The following CD101 variants were observed in gnomAD, a reference collection of about 807,000 sequenced individuals.
CD101 encodes the protein immunoglobulin superfamily member 2.
Under a neutral mutation model 98.2 loss-of-function variants are expected in CD101, and 76 were observed. That is an observed-to-expected ratio of 0.77 (90% CI 0.64 to 0.94). The LOEUF (loss-of-function observed/expected upper bound fraction) is 0.94, where lower values mean the gene tolerates loss of function less well. CD101 is among the 40% of genes least tolerant of loss of function. CD101 has a pLI of 0.00. For synonymous variants in CD101, 471 were observed against 472.7 expected, an observed-to-expected ratio of 1.00 and a Z score of 0.05; for missense variants, 1,145 against 1,218.8, an observed-to-expected ratio of 0.94 and a Z score of 0.90.
intron 8 of CD101, among the ~76,000 whole-genome samples, chr1:117,030,468 AAGAGAG>A (rs201470589): frequency 6.6e-6 from 1 of 151,990 alleles, no homozygotes; most frequent in African/African-American, 2.4e-5. Context: ...GAAAGAAAAA[AAGAGAG>A]AGAGAAAGAG....
At chr1:117,009,336 T>TG (rs1270339381) in intron 1 of CD101, among the ~76,000 whole-genome samples, 9 of 152,314 alleles carry the variant, frequency 5.9e-5, no homozygotes, top group Non-Finnish European at 1.3e-4. Flanking sequence ...TGGCTAGTCT[T>TG]GCAACAGACC....
chr1:117,018,394 G>A lies in CD101; in HGVS notation c.1851G>A (p.Ser617=), dbSNP rs973443482. 8 of 1,614,128 alleles carry A rather than the reference G, an allele frequency of 5.0e-6. No individual in the cohort carries two copies. Among genetic ancestry groups the A allele is most frequent in the East Asian group, 2.2e-5 (1 of 44,874 alleles). Residue 617 remains serine (S), a synonymous_variant, in exon 6 of 10, where the codon TCG becomes TCA. Transcript: ENST00000682167. This position sits in a 1 kb window ranked among gnomAD's most constrained non-coding sequence, Gnocchi z 4.3. ...LSRFQKKTKV[S]QSLFRSQLLV... ...GGTTCCAAAAGAAGACGAAAGTGTCGCAGTCTTTATTTCGTTCACAACTCC... is the reference window on the plus strand; with the variant it reads ...GGTTCCAAAAGAAGACGAAAGTGTCACAGTCTTTATTTCGTTCACAACTCC...
rs545955651 is a variant in CD101 at position 117,005,195 on chromosome 1, C to A, written c.43+3335C>A. On this transcript the variant is annotated intron_variant, in intron 1 of 9. Transcript: ENST00000682167. This position sits in a 1 kb window ranked among gnomAD's most constrained non-coding sequence, Gnocchi z 4.4. ...GACTATAACACAGCACCCTCCCTGTCATCCCTCTACTAGGACATTACTTCA... is the reference window on the plus strand; with the variant it reads ...GACTATAACACAGCACCCTCCCTGTAATCCCTCTACTAGGACATTACTTCA... Among the ~76,000 whole-genome samples, 72 of 152,252 alleles carry A rather than the reference C, an allele frequency of 4.7e-4. No individual in the cohort carries two copies. Among genetic ancestry groups the A allele is most frequent in the African/African-American group, 1.7e-3 (70 of 41,544 alleles).
At position 117,009,917 on chromosome 1, in the gene CD101, C is replaced by A; in HGVS notation, c.111C>A (p.Tyr37Ter). ...QKGPLFRAEG[Y>*]PVSIGCNVTG... ...GACCACTGTTTAGAGCTGAAGGTTACCCAGTCAGCATTGGCTGCAATGTAA... is the reference window on the plus strand; with the variant it reads ...GACCACTGTTTAGAGCTGAAGGTTAACCAGTCAGCATTGGCTGCAATGTAA... Residue 37 changes from tyrosine (Y) to a stop codon, truncating the protein, a stop_gained, in exon 2 of 10, where the codon TAC (tyrosine) becomes TAA (stop). Transcript: ENST00000682167. LOFTEE classifies it high-confidence loss of function. The A allele has an allele frequency of 6.2e-7, 1 of 1,613,950 alleles. No homozygotes were observed. The highest frequency in any genetic ancestry group is 8.5e-7 in the Non-Finnish European group (1 of 1,179,960).
intron 7 of CD101, among the ~76,000 whole-genome samples, chr1:117,024,305 T>A (rs1207105679): frequency 6.6e-6 from 1 of 151,896 alleles, no homozygotes; most frequent in Non-Finnish European, 1.5e-5. Flanking sequence ...GGTGAAACCC[T>A]GTCTCTACTA....
intron 7 of CD101, among the ~76,000 whole-genome samples, chr1:117,024,992 G>C (rs1456663463): frequency 2.0e-5 from 3 of 152,206 alleles, no homozygotes; most frequent in African/African-American, 7.2e-5. Flanking sequence ...GGCTAAAGAA[G>C]GAAAGAGGCT....
In CD101 at chr1:117,018,490, C is replaced by T. The variant is rs749001312; in HGVS notation, c.1947C>T (p.Ser649=). The change falls in exon 6 of 10, where the codon TCC becomes TCT. Residue 649 remains serine (S), a synonymous_variant. Coordinates refer to ENST00000682167, the MANE Select transcript of CD101 (RefSeq NM_001256106.3). This position sits in a 1 kb window ranked among gnomAD's most constrained non-coding sequence, Gnocchi z 4.3. ...QCEVEVYDRN[S]LYNNRPPRAS... ...AAGTAGAAGTTTATGACAGAAATTC[C>T]CTATACAACAACCGCCCCCCGAGGG... 5.5e-5 allele frequency: 88 copies of T among 1,613,804 alleles called. No homozygotes were observed. The highest frequency in any genetic ancestry group is 6.8e-5 in the Non-Finnish European group (80 of 1,179,826).
Position 117,025,624 on chromosome 1 carries a change from G to T in CD101, c.2544G>T (p.Val848=). Residue 848 remains valine (V), a synonymous_variant, in exon 8 of 10, where the codon GTG becomes GTT. Coordinates refer to ENST00000682167, the MANE Select transcript of CD101 (RefSeq NM_001256106.3). ...GCAGCTCAGCCACTCTGTACTCTGT[G>T]ATGTGGTACTGGAACAGAGAAAACT... The part of the protein sequence containing the change: ...SVGSSATLYS[V]MWYWNRENSG... 5.6e-6 allele frequency: 9 copies of T among 1,614,126 alleles called. No homozygotes were observed. The highest frequency in any genetic ancestry group is 7.6e-6 in the Non-Finnish European group (9 of 1,180,026).
Position 117,036,509 on chromosome 1 carries a change from G to C in CD101, c.*375G>C, listed in dbSNP as rs1654844015. 1 of 146,794 alleles carries C rather than the reference G, an allele frequency of 6.8e-6. No homozygotes were observed. The highest frequency in any genetic ancestry group is 2.7e-5 in the African/African-American group (1 of 37,294). 9.1% of individuals were successfully genotyped at this position (146,794 alleles called of 1,614,324 possible). A position where few individuals can be genotyped will look rare whatever the true frequency, so the allele number is the denominator to read the frequency against. On this transcript the variant is annotated 3_prime_UTR_variant, in exon 10 of 10. Coordinates refer to ENST00000682167, the MANE Select transcript of CD101 (RefSeq NM_001256106.3). This position sits in a 1 kb window ranked among gnomAD's most constrained non-coding sequence, Gnocchi z 5.0. Reference sequence around the variant, plus strand: ...AGTATTCCCAGCGCTCTCCTTGCTTGTGACAAGTAAAAAAAAAAAAAAACT... The same window carrying C: ...AGTATTCCCAGCGCTCTCCTTGCTTCTGACAAGTAAAAAAAAAAAAAAACT...
In CD101 at chr1:117,018,394, G is replaced by T; in HGVS notation, c.1851G>T (p.Ser617=). The T allele has an allele frequency of 6.2e-7, 1 of 1,614,128 alleles. No homozygotes were observed. The highest frequency in any genetic ancestry group is 1.1e-5 in the South Asian group (1 of 91,074). ...LSRFQKKTKV[S]QSLFRSQLLV... is the part of the protein sequence containing the mutation. ...GGTTCCAAAAGAAGACGAAAGTGTC[G>T]CAGTCTTTATTTCGTTCACAACTCC... is the stretch of plus-strand genomic sequence containing the variant. Residue 617 remains serine (S), a synonymous_variant, in exon 6 of 10, where the codon TCG becomes TCT. Transcript: ENST00000682167. The surrounding 1 kb of genome is among the most constrained non-coding windows in gnomAD (Gnocchi z 4.3).
intron 1 of CD101, among the ~76,000 whole-genome samples, chr1:117,007,181 A>C (rs1178287362): frequency 6.6e-6 from 1 of 152,124 alleles, no homozygotes; most frequent in Non-Finnish European, 1.5e-5. Context: ...TTGTTAAACA[A>C]ATTTTCAGTT....
At position 117,018,568 on chromosome 1, in the gene CD101, T is replaced by C; in HGVS notation, c.2017+8T>C. 6.4e-7 allele frequency: 1 copy of C among 1,557,218 alleles called. No homozygotes were observed. Among genetic ancestry groups the C allele is most frequent in the Non-Finnish European group, 8.7e-7 (1 of 1,151,230 alleles). ...TAGCCGTCACTTTACCAGGTAAGTG[T>C]GACTTGAAATTAATCCCTGTTTTAA... is the stretch of plus-strand genomic sequence containing the variant. On this transcript the variant is annotated splice_region_variant and intron_variant, in intron 6 of 9. Coordinates refer to ENST00000682167, the MANE Select transcript of CD101 (RefSeq NM_001256106.3). The surrounding 1 kb of genome is among the most constrained non-coding windows in gnomAD (Gnocchi z 4.3).
intron 1 of CD101, among the ~76,000 whole-genome samples, chr1:117,008,370 C>A (rs1652666070): frequency 6.6e-6 from 1 of 151,964 alleles, no homozygotes; most frequent in East Asian, 1.9e-4. Context: ...GAGGCTGAGG[C>A]AAGAGAATCA....
In CD101 at chr1:117,009,836, C is replaced by A. The variant is rs1238653361; in HGVS notation, c.44-14C>A. ...AATCTCTTTTTATTCCCCTTTCTTT[C>A]TCCTACTTACAAGCTAAGCTCAGCA... On this transcript the variant is annotated splice_polypyrimidine_tract_variant and intron_variant, in intron 1 of 9. Transcript: ENST00000682167. 1 of 1,578,144 alleles carries A rather than the reference C, an allele frequency of 6.3e-7. No homozygotes were observed. Among genetic ancestry groups the A allele is most frequent in the South Asian group, 1.1e-5 (1 of 88,474 alleles).
intron 8 of CD101, among the ~76,000 whole-genome samples, chr1:117,028,982 T>C (rs1391522869): frequency 6.6e-6 from 1 of 151,554 alleles, no homozygotes; most frequent in Non-Finnish European, 1.5e-5. Flanking sequence ...GCTGTTTTGG[T>C]TTGAAGATGA....
chr1:117,009,864 G>A lies in CD101; in HGVS notation c.58G>A (p.Gly20Ser). 2 of 1,602,014 alleles carry A rather than the reference G, an allele frequency of 1.2e-6. No homozygotes were observed. The highest frequency in any genetic ancestry group is 1.1e-5 in the South Asian group (1 of 90,780). The change falls in exon 2 of 10, where the codon GGC becomes AGC. Residue 20 changes from glycine (G) to serine (S), a missense_variant. Transcript: ENST00000682167. ...FFLLLTKLSIGQREVTVQKGP... is the reference protein window; with the variant it reads ...FFLLLTKLSISQREVTVQKGP... ...CTACTTACAAGCTAAGCTCAGCATT[G>A]GCCAGAGAGAAGTAACAGTTCAGAA...
In CD101 at chr1:117,021,725, T is replaced by C. The variant is rs1178670867; in HGVS notation, c.2170T>C (p.Trp724Arg). 1 of 1,614,092 alleles carries C rather than the reference T, an allele frequency of 6.2e-7. No homozygotes were observed. Among genetic ancestry groups the C allele is most frequent in the African/African-American group, 1.3e-5 (1 of 74,926 alleles). Reference sequence around the variant, plus strand: ...TTCTCCTGTTTCCACTAATGCCTCTTGGCTAAAGATCCTGGAGATGGACCA... The same window carrying C: ...TTCTCCTGTTTCCACTAATGCCTCTCGGCTAAAGATCCTGGAGATGGACCA... ...YFSPVSTNAS[W>R]LKILEMDQTN... is the part of the protein sequence containing the mutation. The change falls in exon 7 of 10, where the codon TGG (tryptophan) becomes CGG (arginine). Residue 724 changes from tryptophan to arginine, a missense_variant. Transcript: ENST00000682167. This position sits in a 1 kb window ranked among gnomAD's most constrained non-coding sequence, Gnocchi z 4.7.
chr1:117,034,015 G>C lies in CD101; in HGVS notation c.2980G>C (p.Glu994Gln), dbSNP rs1276739126. ...LSTLRSNTRK[E>Q]KALWVDLKEA... The stretch of plus-strand genomic sequence containing the variant: ...AACACTGCGTTCCAACACACGGAAA[G>C]AAAAAGCTCTCTGGGTGGACTTGAA... The change falls in exon 9 of 10, where the codon GAA (glutamate) becomes CAA (glutamine). Residue 994 changes from glutamate (E) to glutamine (Q), a missense_variant. Glu to Gln is a conservative substitution (Grantham distance 29, BLOSUM62 2). Transcript: ENST00000682167. 2.2e-5 allele frequency: 35 copies of C among 1,614,014 alleles called. No individual in the cohort carries two copies. The highest frequency in any genetic ancestry group is 3.0e-5 in the Non-Finnish European group (35 of 1,180,028).
Position 117,004,324 on chromosome 1 carries a change from A to G in CD101, c.43+2464A>G, listed in dbSNP as rs1302465947. Among the ~76,000 whole-genome samples, 1 of 152,208 alleles carries G rather than the reference A, an allele frequency of 6.6e-6. No homozygotes were observed. Among genetic ancestry groups the G allele is most frequent in the African/African-American group, 2.4e-5 (1 of 41,456 alleles). On this transcript the variant is annotated intron_variant, in intron 1 of 9. Coordinates refer to ENST00000682167, the MANE Select transcript of CD101 (RefSeq NM_001256106.3). The surrounding 1 kb of genome is among the most constrained non-coding windows in gnomAD (Gnocchi z 4.1). ...TGGCTATTCCTGAGGTAGGTTTTGTATAAGGTAGCATTATTTGAAACTGCT... is the reference window on the plus strand; with the variant it reads ...TGGCTATTCCTGAGGTAGGTTTTGTGTAAGGTAGCATTATTTGAAACTGCT...
Sources: gnomAD v4.1 joint callset for allele counts (sites outside exome capture counted in the v4.1 genomes callset) on GRCh38, gnomAD v4.1.1 for gene constraint, Gnocchi (gnomAD v3.1) non-coding constraint, MANE v1.5 for transcripts, NCBI Gene and HGNC (gene_info 2026-07-23, HGNC 2026-07-21) for gene names.